The following SPACA6 variants were observed in gnomAD, a reference collection of about 807,000 sequenced individuals.
The protein encoded by SPACA6 is sperm acrosome associated 6.
For synonymous variants in SPACA6, 6 were observed against 1.5 expected (o/e 4.05, Z -2.21); for missense variants, 8 against 2.8 (o/e 2.88, Z -1.34).
chr19:51,684,357 A>G (rs1183254771), upstream of SPACA6, among the ~76,000 whole-genome samples: 1 of 152,216 alleles, frequency 6.6e-6, no homozygotes, highest in Non-Finnish European at 1.5e-5. Flanking sequence ...TCACTCATCA[A>G]ACAAAAAGAA....
chr19:51,688,223 C>G (rs1486671978), upstream of SPACA6: 2 of 152,600 alleles, frequency 1.3e-5, no homozygotes, highest in Non-Finnish European at 1.5e-5. Flanking sequence ...TTCGGAGGCT[C>G]TAGTCAGACT....
upstream of SPACA6, chr19:51,686,278 C>T (rs578045904): frequency 6.6e-6 from 1 of 152,334 alleles, no homozygotes; most frequent in South Asian, 2.1e-4. Context: ...CATTCATTCA[C>T]TTAGCAAACA....
chr19:51,711,708 T>C (rs2083542104), intron 2 of SPACA6, among the ~76,000 whole-genome samples: 1 of 151,956 alleles, frequency 6.6e-6, no homozygotes, highest in Non-Finnish European at 1.5e-5. Flanking sequence ...TATTTGGCCA[T>C]AAAAAGGAAT....
chr19:51,683,867 C>A, the SPACA6 span, among the ~76,000 whole-genome samples: 1 of 152,184 alleles, frequency 6.6e-6, no homozygotes, highest in Non-Finnish European at 1.5e-5. Context: ...GGATTCAAAC[C>A]TGAGCCATCG....
upstream of SPACA6, among the ~76,000 whole-genome samples, chr19:51,684,730 A>AC (rs950437524): frequency 1.3e-5 from 2 of 152,034 alleles, no homozygotes; most frequent in African/African-American, 4.8e-5. Context: ...TGCAAAAAAA[A>AC]CCCAAAACCT....
the SPACA6 span, among the ~76,000 whole-genome samples, chr19:51,683,892 T>G: frequency 6.6e-6 from 1 of 152,248 alleles, no homozygotes; most frequent in South Asian, 2.1e-4. Context: ...TCAGAATCTG[T>G]GCTCTTAATC....
chr19:51,709,532 A>G (rs1357137788), downstream of SPACA6, among the ~76,000 whole-genome samples: 1 of 58,410 alleles, frequency 1.7e-5, no homozygotes, highest in African/African-American at 8.4e-5. Context: ...AAAAAAAGGC[A>G]AAAAAAAAAA....
At chr19:51,692,111 G>A (rs1211321860), upstream of SPACA6, among the ~76,000 whole-genome samples, 1 of 152,124 alleles carries the variant, frequency 6.6e-6, no homozygotes, top group Admixed American at 6.5e-5. This position sits in a 1 kb window ranked among gnomAD's most constrained non-coding sequence, Gnocchi z 5.6. Flanking sequence ...AGCACCTAGG[G>A]AGGCTCTGAT....
chr19:51,685,419 T>C (rs2083324092), upstream of SPACA6: 1 of 152,240 alleles, frequency 6.6e-6, no homozygotes. Context: ...TAAAATCAGA[T>C]ATTTGGGGAT....
intron 2 of SPACA6, among the ~76,000 whole-genome samples, chr19:51,700,279 CAAGG>C (rs1382896383): frequency 6.6e-6 from 1 of 152,006 alleles, no homozygotes; most frequent in African/African-American, 2.4e-5. Context: ...CCTACAAAGA[CAAGG>C]AACATAAAAG....
the SPACA6 span, among the ~76,000 whole-genome samples, chr19:51,683,630 T>C: frequency 6.6e-6 from 1 of 152,280 alleles, no homozygotes; most frequent in East Asian, 1.9e-4. Flanking sequence ...TGTGTATGAA[T>C]AAATTAGAAT....
chr19:51,708,234 A>G (rs2083525147), downstream of SPACA6, among the ~76,000 whole-genome samples: 1 of 152,166 alleles, frequency 6.6e-6, no homozygotes, highest in Admixed American at 6.5e-5. Context: ...AGAGATTAGG[A>G]GCTCTATGTA....
chr19:51,687,488 T>TAAAAAAAA (rs11415588), upstream of SPACA6: 1 of 135,438 alleles, frequency 7.4e-6, no homozygotes. Context: ...GGATATCATG[T>TAAAAAAAA]AAAAAAAAAA....
chr19:51,702,649 T>G lies in SPACA6; in HGVS notation c.382T>G (p.Cys128Gly), dbSNP rs2083478301. The change falls in exon 4 of 9, where the codon TGC (cysteine) becomes GGC (glycine). Residue 128 changes from cysteine (C) to glycine (G), a missense_variant. Cys to Gly is a radical substitution (Grantham distance 159, BLOSUM62 -3). Transcript: ENST00000637797. The part of the protein sequence containing the change: ...LKEAQACIPP[C>G]GLQEFARRFL... ...CACAGCCCAGGCTTGCATCCCTCCCTGCGGTAAGGACTTCATCTAAAACTT... is the reference window on the plus strand; with the variant it reads ...CACAGCCCAGGCTTGCATCCCTCCCGGCGGTAAGGACTTCATCTAAAACTT... 2.5e-6 allele frequency: 1 copy of G among 399,056 alleles called. No homozygotes were observed. The highest frequency in any genetic ancestry group is 4.4e-6 in the Non-Finnish European group (1 of 226,200). The allele number at this position is 399,056 out of a possible 1,614,324, so 24.7% of individuals were successfully genotyped here.
chr19:51,703,430 G>A lies in SPACA6; in HGVS notation c.573+93G>A, dbSNP rs940516762. On this transcript the variant is annotated intron_variant, in intron 6 of 8. Coordinates refer to ENST00000637797, the MANE Select transcript of SPACA6 (RefSeq NM_001316972.2). The surrounding 1 kb of genome is among the most constrained non-coding windows in gnomAD (Gnocchi z 4.2). ...GTCAGCTTGCGGGGACGGGACTCCGGGAATCTCCGTCTAGACACAAGCATC... is the reference window on the plus strand; with the variant it reads ...GTCAGCTTGCGGGGACGGGACTCCGAGAATCTCCGTCTAGACACAAGCATC... The A allele has an allele frequency of 7.5e-6, 3 of 398,210 alleles. No individual in the cohort carries two copies. The highest frequency in any genetic ancestry group is 1.3e-5 in the Non-Finnish European group (3 of 225,834). 24.7% of individuals were successfully genotyped at this position (398,210 alleles called of 1,614,324 possible).
intron 8 of SPACA6, chr19:51,704,875 C>A: frequency 2.8e-6 from 1 of 363,610 alleles, no homozygotes; most frequent in African/African-American, 2.2e-5. Flanking sequence ...ACCCAGGAGT[C>A]CAGGCCCCCA....
chr19:51,684,426 C>T (rs2083319242), upstream of SPACA6, among the ~76,000 whole-genome samples: 1 of 152,172 alleles, frequency 6.6e-6, no homozygotes, highest in Admixed American at 6.5e-5. Context: ...ACATCACACC[C>T]ATTTTCCCAT....
At position 51,694,030 on chromosome 19, in the gene SPACA6, T is replaced by G. The variant is rs550697419; in HGVS notation, c.214+290T>G. On this transcript the variant is annotated intron_variant, in intron 1 of 8. Coordinates refer to ENST00000637797, the MANE Select transcript of SPACA6 (RefSeq NM_001316972.2). The stretch of plus-strand genomic sequence containing the variant: ...AGAGGAAGATGGAGACTCGGAAAGA[T>G]GGAGACTCAGGAGTATGGAGAGTCA... 2.1e-3 allele frequency: 543 copies of G among 264,028 alleles called. 3 individuals are homozygous for G. The highest frequency in any genetic ancestry group is 0.021 in the South Asian group (106 of 5,156). The allele number at this position is 264,028 out of a possible 1,614,324, so 16.4% of individuals were successfully genotyped here. A position where few individuals can be genotyped will look rare whatever the true frequency, so the allele number is the denominator to read the frequency against.
rs140760605 is a variant in SPACA6 at position 51,703,349 on chromosome 19, C to A, written c.573+12C>A. On this transcript the variant is annotated intron_variant, in intron 6 of 8. Transcript: ENST00000637797. The surrounding 1 kb of genome is among the most constrained non-coding windows in gnomAD (Gnocchi z 4.2). ...TCGCAGGAGGAGGTGTGAGTCGGGG[C>A]GGGGCCGGCGCGAAGAGTTTAGACG... The A allele has an allele frequency of 6.0e-3, 2,408 of 399,258 alleles. 9 individuals are homozygous for A. Among genetic ancestry groups the A allele is most frequent in the Non-Finnish European group, 8.9e-3 (2,009 of 226,094 alleles). The allele number at this position is 399,258 out of a possible 1,614,324, so 24.7% of individuals were successfully genotyped here. A position where few individuals can be genotyped will look rare whatever the true frequency, so the allele number is the denominator to read the frequency against.
Sources: allele counts gnomAD v4.1 joint callset (sites outside exome capture counted in the v4.1 genomes callset), GRCh38; gene constraint gnomAD v4.1.1; non-coding constraint Gnocchi (gnomAD v3.1); transcripts MANE v1.5; gene names NCBI Gene and HGNC (gene_info 2026-07-23, HGNC 2026-07-21).